Variants in TBC1D8 observed in about 807,000 individuals in gnomAD.
TBC1D8 encodes the protein BUB2-like protein 1.
In TBC1D8, 65 loss-of-function variants were observed where a neutral mutation model predicts 118.8. The ratio of observed to expected loss-of-function variants is 0.55; its 90% confidence interval spans 0.45 to 0.67. The LOEUF is 0.67. Ranked by LOEUF, TBC1D8 falls within the 30% of genes least tolerant of loss-of-function variation. The pLI is 0.00. For missense variants in TBC1D8, 1,376 were observed against 1,471.2 expected, an observed-to-expected ratio of 0.94 and a Z score of 1.06; for synonymous variants, 566 against 595.8, an observed-to-expected ratio of 0.95 and a Z score of 0.73.
In TBC1D8 at chr2:101,028,349, G is replaced by A. The variant is rs766279465; in HGVS notation, c.2306C>T (p.Pro769Leu). The change falls in exon 13 of 20, where the codon CCC becomes CTC. Residue 769 changes from proline to leucine, a missense_variant. Transcript: ENST00000409318. Reference sequence around the variant, plus strand: ...GTCCGAAATATCAGTCACAGGGTAGGGCTCCTGGTCGTCGGAGAAAAAGGC... The same window carrying A: ...GTCCGAAATATCAGTCACAGGGTAGAGCTCCTGGTCGTCGGAGAAAAAGGC... The part of the protein sequence containing the change: ...HHAFFSDDQE[P>L]YPVTDISDLI... 5 of 1,612,806 alleles carry A rather than the reference G, an allele frequency of 3.1e-6. No individual in the cohort carries two copies. Among genetic ancestry groups the A allele is most frequent in the Admixed American group, 3.3e-5 (2 of 59,868 alleles).
At chr2:101,097,058 G>A (rs1328284156) in intron 1 of TBC1D8, among the ~76,000 whole-genome samples, 1 of 152,078 alleles carries the variant, frequency 6.6e-6, no homozygotes, top group African/African-American at 2.4e-5. Context: ...GAAAGATGAA[G>A]AGAATGTTCT....
intron 1 of TBC1D8, among the ~76,000 whole-genome samples, chr2:101,145,625 C>A (rs1679288786): frequency 2.0e-5 from 3 of 152,182 alleles, no homozygotes; most frequent in Admixed American, 1.3e-4. Context: ...AGCCTTGTAA[C>A]CCCACATGAA....
At chr2:101,064,369 G>T (rs963473696) in intron 2 of TBC1D8, among the ~76,000 whole-genome samples, 4 of 152,134 alleles carry the variant, frequency 2.6e-5, no homozygotes, top group African/African-American at 7.2e-5. Flanking sequence ...GACTTCCCAG[G>T]CTCCAGAACT....
At chr2:101,036,299 C>T (rs1681005222) in intron 8 of TBC1D8, 131 bp from the exon 9 acceptor site, 1 of 1,018,028 alleles carries the variant, frequency 9.8e-7, no homozygotes, top group South Asian at 1.5e-5. Flanking sequence ...GGCAAGGACA[C>T]CTGTATTCAA....
chr2:101,093,867 G>A (rs1004031730), intron 1 of TBC1D8, among the ~76,000 whole-genome samples: 2 of 152,020 alleles, frequency 1.3e-5, no homozygotes, highest in African/African-American at 4.8e-5. Context: ...CTGCCACCAC[G>A]CCTAGCTAAT....
Position 101,011,247 on chromosome 2 carries a change from TTGG to T in TBC1D8, c.2917+201_2917+203del, listed in dbSNP as rs147921922. 11,283 of 690,150 alleles carry T rather than the reference TTGG, an allele frequency of 0.016. 943 individuals are homozygous for T. The African/African-American group carries it at 0.18, about 11-fold the overall frequency. The allele number at this position is 690,150 out of a possible 1,614,324, so 42.8% of individuals were successfully genotyped here. A position where few individuals can be genotyped will look rare whatever the true frequency, so the allele number is the denominator to read the frequency against. On this transcript the variant is annotated intron_variant, in intron 18 of 19. Transcript: ENST00000409318. ...GAAACAGCAAACAGGAGGAAGGAAC[TTGG>T]TGGTGGGGGCAAGGGGCAGCCACCC...
Position 101,063,237 on chromosome 2 carries a change from T to C in TBC1D8, c.284-3698A>G, listed in dbSNP as rs142676450. On this transcript the variant is annotated intron_variant, in intron 2 of 19. Transcript: ENST00000409318. ...CAAGCTCCAACACAATATATCCCTATGGAATTAAGATTTGAGACAAAGTCA... is the reference window on the plus strand; with the variant it reads ...CAAGCTCCAACACAATATATCCCTACGGAATTAAGATTTGAGACAAAGTCA... Among the ~76,000 whole-genome samples the C allele has an allele frequency of 1.3e-4, 20 of 152,348 alleles. No homozygotes were observed. The East Asian group carries it at 3.7e-3, about 28-fold the overall frequency.
chr2:101,147,786 T>C (rs111556751), intron 1 of TBC1D8, among the ~76,000 whole-genome samples: 22 of 152,286 alleles, frequency 1.4e-4, no homozygotes, highest in African/African-American at 5.1e-4. Context: ...GGCAGCAATG[T>C]TGTGTGTTCT....
At chr2:101,032,477 T>A in intron 10 of TBC1D8, 92 bp from the exon 11 acceptor site, 2 of 1,063,188 alleles carry the variant, frequency 1.9e-6, no homozygotes, top group South Asian at 1.4e-5. Context: ...CCCACAAAAG[T>A]AAAGATTTCA....
intron 10 of TBC1D8, 106 bp from the exon 11 acceptor site, chr2:101,032,491 G>A (rs1159674842): frequency 6.7e-6 from 6 of 899,098 alleles, no homozygotes; most frequent in South Asian, 3.0e-5. Flanking sequence ...GATTTCATAG[G>A]TGAGAGATCC....
chr2:101,144,349 A>G (rs1679236357), intron 1 of TBC1D8, among the ~76,000 whole-genome samples: 1 of 151,986 alleles, frequency 6.6e-6, no homozygotes, highest in South Asian at 2.1e-4. Flanking sequence ...CAGGAAGTGG[A>G]GCTCAGGCGG....
intron 9 of TBC1D8, among the ~76,000 whole-genome samples, chr2:101,034,753 C>G (rs945540140): frequency 1.3e-5 from 2 of 152,214 alleles, no homozygotes; most frequent in Admixed American, 1.3e-4. Flanking sequence ...ACTGTCTTTG[C>G]TCACTCCTCC....
At chr2:101,124,979 C>T (rs534307292) in intron 1 of TBC1D8, among the ~76,000 whole-genome samples, 21 of 151,960 alleles carry the variant, frequency 1.4e-4, no homozygotes, top group African/African-American at 4.9e-4. Context: ...AACTATCCCA[C>T]GGATAAACAA....
intron 1 of TBC1D8, among the ~76,000 whole-genome samples, chr2:101,144,370 G>C (rs954407433): frequency 6.6e-6 from 1 of 152,058 alleles, no homozygotes; most frequent in Non-Finnish European, 1.5e-5. Flanking sequence ...AGCCCCAAAG[G>C]TTCACAAGAA....
intron 2 of TBC1D8, among the ~76,000 whole-genome samples, chr2:101,075,297 C>T (rs747340140): frequency 2.5e-4 from 37 of 150,798 alleles, no homozygotes; most frequent in Non-Finnish European, 4.7e-4. Flanking sequence ...ACTGGGGAGG[C>T]TGAGACACAA....
rs1313377709 is a variant in TBC1D8 at position 101,036,047 on chromosome 2, A to C, written c.1574T>G (p.Leu525Trp). The change falls in exon 9 of 20, where the codon TTG becomes TGG. Residue 525 changes from leucine to tryptophan, a missense_variant. Leu to Trp is a moderately conservative substitution (Grantham distance 61, BLOSUM62 -2). Coordinates refer to ENST00000409318, the MANE Select transcript of TBC1D8 (RefSeq NM_001330348.2). ...KLVAMGIPESLRGRLWLLFSD... is the reference protein window; with the variant it reads ...KLVAMGIPESWRGRLWLLFSD... ...GAAGAGAAGCCAGAGTCTCCCTCGC[A>C]AAGATTCAGGGATGCCCATGGCTAC... 6.2e-7 allele frequency: 1 copy of C among 1,614,024 alleles called. No individual in the cohort carries two copies. The highest frequency in any genetic ancestry group is 8.5e-7 in the Non-Finnish European group (1 of 1,179,900).
intron 15 of TBC1D8, 141 bp from the exon 16 acceptor site, chr2:101,022,662 ATCCTT>A: frequency 8.0e-7 from 1 of 1,253,550 alleles, no homozygotes. Flanking sequence ...TTACCCTGAC[ATCCTT>A]ACCCACATGA....
intron 17 of TBC1D8, among the ~76,000 whole-genome samples, chr2:101,012,160 T>TTAG (rs1290331323): frequency 3.9e-5 from 6 of 152,196 alleles, no homozygotes; most frequent in Non-Finnish European, 8.8e-5. Context: ...TCTGGCAGTT[T>TTAG]TTAAAAAAGT....
chr2:101,028,258 G>C (rs772772606), intron 13 of TBC1D8, 45 bp downstream of exon 13: 1 of 1,589,372 alleles, frequency 6.3e-7, no homozygotes, highest in African/African-American at 1.3e-5. Context: ...CAATTCCCGG[G>C]GGGTTAGGGG....
Sources: gnomAD v4.1 joint callset for allele counts (sites outside exome capture counted in the v4.1 genomes callset) on GRCh38, gnomAD v4.1.1 for gene constraint, MANE v1.5 for transcripts, NCBI Gene and HGNC (gene_info 2026-07-23, HGNC 2026-07-21) for gene names.